Variants in NAALADL2 observed in about 807,000 individuals in gnomAD.
The protein encoded by NAALADL2 is N-acetylated alpha-linked acidic dipeptidase like 2, also known as inactive N-acetylated-alpha-linked acidic dipeptidase-like protein 2.
A neutral mutation model predicts 87.2 loss-of-function variants in NAALADL2; 76 were observed. The observed-to-expected ratio is 0.87, with a 90% CI of 0.72 to 1.05. NAALADL2 has a LOEUF of 1.05. NAALADL2 is among the 50% of genes least tolerant of loss of function. NAALADL2 has a pLI of 0.00. For synonymous variants in NAALADL2, 354 were observed against 331.0 expected, an observed-to-expected ratio of 1.07 and a Z score of -0.75; for missense variants, 1,089 against 945.8, an observed-to-expected ratio of 1.15 and a Z score of -1.99.
At chr3:175,496,947 C>T (rs1034397837) in intron 9 of NAALADL2, among the ~76,000 whole-genome samples, 7 of 152,154 alleles carry the variant, frequency 4.6e-5, no homozygotes, top group African/African-American at 1.7e-4. Flanking sequence ...CTCCTTATCA[C>T]ATAAATATTA....
At chr3:175,478,468 A>G (rs546083107) in intron 9 of NAALADL2, among the ~76,000 whole-genome samples, 5 of 152,062 alleles carry the variant, frequency 3.3e-5, no homozygotes, top group African/African-American at 1.2e-4. Flanking sequence ...GACAGTATGT[A>G]AATCCCTTTT....
At chr3:175,487,557 C>G (rs1465222213) in intron 9 of NAALADL2, 1 of 456,554 alleles carries the variant, frequency 2.2e-6, no homozygotes. Context: ...GATGATTAGT[C>G]CTCAGTATAT....
chr3:175,141,434 A>G (rs956578831), intron 2 of NAALADL2, among the ~76,000 whole-genome samples: 23 of 152,264 alleles, frequency 1.5e-4, no homozygotes, highest in African/African-American at 5.1e-4. Context: ...TGTAGTCTAC[A>G]TGGTCATAGA....
chr3:174,812,488 C>A (rs1416495916), intron 3 of NAALADL2, among the ~76,000 whole-genome samples: 1 of 152,110 alleles, frequency 6.6e-6, no homozygotes, highest in Non-Finnish European at 1.5e-5. Context: ...AACTATGTTC[C>A]TGGTTTATGT....
intron 13 of NAALADL2, among the ~76,000 whole-genome samples, chr3:175,762,978 G>T (rs909760427): frequency 1.3e-5 from 2 of 152,048 alleles, no homozygotes; most frequent in African/African-American, 4.8e-5. Flanking sequence ...CAGGTACTCG[G>T]GAAGCTGAGA....
At chr3:175,463,820 C>A (rs1001192245) in intron 7 of NAALADL2, among the ~76,000 whole-genome samples, 1 of 151,198 alleles carries the variant, frequency 6.6e-6, no homozygotes, top group African/African-American at 2.4e-5. Context: ...CCAAAGTTTT[C>A]TTTTTTCTTA....
intron 2 of NAALADL2, among the ~76,000 whole-genome samples, chr3:174,650,662 A>G (rs1724267911): frequency 6.6e-6 from 1 of 152,132 alleles, no homozygotes; most frequent in African/African-American, 2.4e-5. Context: ...AGTTTATGTT[A>G]TAGGAAATGT....
intron 5 of NAALADL2, among the ~76,000 whole-genome samples, chr3:175,389,385 G>C (rs952034045): frequency 1.3e-5 from 2 of 152,068 alleles, no homozygotes; most frequent in Non-Finnish European, 2.9e-5. Context: ...CATTCTATTT[G>C]TTTATTTATT....
chr3:174,723,573 G>A (rs1453905208), intron 2 of NAALADL2, among the ~76,000 whole-genome samples: 6 of 151,910 alleles, frequency 3.9e-5, no homozygotes, highest in African/African-American at 1.4e-4. Context: ...GGCTAACATG[G>A]TGAAACCCCA....
rs1421925530 is a variant in NAALADL2 at position 175,082,701 on chromosome 3, A to G, written c.44-14089A>G. Among the ~76,000 whole-genome samples the G allele has an allele frequency of 4.6e-5, 7 of 152,170 alleles. No individual in the cohort carries two copies. In the East Asian group the frequency reaches 9.6e-4, roughly 21 times the overall value. ...AAAAATATTTTCTTTTTTTGGAACA[A>G]TTTGTTCATGCTTTAGGAGCTATTT... is the stretch of plus-strand genomic sequence containing the variant. On this transcript the variant is annotated intron_variant, in intron 1 of 13. Coordinates refer to ENST00000454872, the MANE Select transcript of NAALADL2 (RefSeq NM_207015.3).
intron 2 of NAALADL2, among the ~76,000 whole-genome samples, chr3:175,152,159 A>G (rs965622857): frequency 8.5e-5 from 13 of 152,258 alleles, no homozygotes; most frequent in Middle Eastern, 6.8e-3. Context: ...TAATACCAAA[A>G]CTTTGAGAAG....
chr3:175,182,722 T>A (rs1029137400), intron 2 of NAALADL2, among the ~76,000 whole-genome samples: 7 of 151,800 alleles, frequency 4.6e-5, no homozygotes, highest in African/African-American at 7.3e-5. Flanking sequence ...TTTGTTTTTT[T>A]ATTTTGTTTT....
chr3:174,844,930 G>A (rs996518630), intron 3 of NAALADL2, among the ~76,000 whole-genome samples: 13 of 127,534 alleles, frequency 1.0e-4, no homozygotes, highest in Non-Finnish European at 1.9e-4. Context: ...TAGGCTGATT[G>A]TCAGGCAGAA....
chr3:174,973,343 TTAAGA>T (rs1276965231), intron 1 of NAALADL2, among the ~76,000 whole-genome samples: 1 of 152,206 alleles, frequency 6.6e-6, no homozygotes, highest in African/African-American at 2.4e-5. Context: ...TTTGGTTAAA[TTAAGA>T]TGTTGCGATA....
chr3:174,788,167 C>T (rs939453506), intron 3 of NAALADL2, among the ~76,000 whole-genome samples: 1 of 152,122 alleles, frequency 6.6e-6, no homozygotes, highest in African/African-American at 2.4e-5. Context: ...CTTCCTTTAA[C>T]ATCCTGTTGG....
At chr3:174,877,087 A>G (rs1414672517) in intron 1 of NAALADL2, among the ~76,000 whole-genome samples, 1 of 152,138 alleles carries the variant, frequency 6.6e-6, no homozygotes, top group Non-Finnish European at 1.5e-5. Flanking sequence ...TATCACCAAA[A>G]GGTCTCAACC....
intron 12 of NAALADL2, among the ~76,000 whole-genome samples, chr3:175,742,062 A>G (rs1001697088): frequency 1.3e-5 from 2 of 152,188 alleles, no homozygotes; most frequent in African/African-American, 2.4e-5. Flanking sequence ...CACAATTTAC[A>G]GGAATAGTCG....
chr3:174,648,874 T>C (rs530465403), intron 2 of NAALADL2, among the ~76,000 whole-genome samples: 5 of 152,162 alleles, frequency 3.3e-5, no homozygotes, highest in Non-Finnish European at 7.4e-5. Flanking sequence ...TATGTATACA[T>C]ATGTGTTGAG....
intron 2 of NAALADL2, among the ~76,000 whole-genome samples, chr3:174,582,051 G>A (rs893488037): frequency 6.6e-6 from 1 of 152,156 alleles, no homozygotes; most frequent in Admixed American, 6.5e-5. Flanking sequence ...GAGATAGATA[G>A]ATAGTAAGGC....
Sources: allele counts gnomAD v4.1 joint callset (sites outside exome capture counted in the v4.1 genomes callset), GRCh38; gene constraint gnomAD v4.1.1; transcripts MANE v1.5; gene names NCBI Gene and HGNC (gene_info 2026-07-23, HGNC 2026-07-21).